KCNH5: variants seen among roughly 807,000 people sequenced by gnomAD.
KCNH5 encodes the protein potassium voltage-gated channel subfamily H member 5.
In KCNH5, 46 loss-of-function variants were observed where a neutral mutation model predicts 96.1. The ratio of observed to expected loss-of-function variants is 0.48; its 90% CI spans 0.38 to 0.61. KCNH5 has a LOEUF of 0.61. Ranked by LOEUF, KCNH5 falls within the 20% of genes least tolerant of loss-of-function variation. The pLI is 0.00. For synonymous variants in KCNH5, 439 were observed against 449.8 expected (o/e 0.98, Z 0.30); for missense variants, 907 against 1,225.8 (o/e 0.74, Z 3.88).
chr14:62,704,483 A>T lies in KCNH5; in HGVS notation c.*3025T>A, dbSNP rs1010440202. The stretch of plus-strand genomic sequence containing the variant: ...TTAGTGCAACAATATCCTGATACAG[A>T]CTGATAAAACCTGCCATTATGATAC... On this transcript the variant is annotated 3_prime_UTR_variant, in exon 11 of 11. Coordinates refer to ENST00000322893, the MANE Select transcript of KCNH5 (RefSeq NM_139318.5). The T allele has an allele frequency of 6.6e-6, 1 of 151,908 alleles. No individual in the cohort carries two copies. Among genetic ancestry groups the T allele is most frequent in the African/African-American group, 2.4e-5 (1 of 41,426 alleles). The allele number at this position is 151,908 out of a possible 1,614,324, so 9.4% of individuals were successfully genotyped here. A position where few individuals can be genotyped will look rare whatever the true frequency, so the allele number is the denominator to read the frequency against.
In KCNH5 at chr14:62,987,557, A is replaced by G. The variant is rs1463936044; in HGVS notation, c.434-370T>C. Among the ~76,000 whole-genome samples, 5 of 152,292 alleles carry G rather than the reference A, an allele frequency of 3.3e-5. No homozygotes were observed. In the East Asian group the frequency reaches 5.8e-4, roughly 18 times the overall value. ...AATTTCTTGCATCTCAGTATGGCCT[A>G]TGTCCCTGGTTCTCACCAATGGAAT... On this transcript the variant is annotated intron_variant, in intron 4 of 10. Coordinates refer to ENST00000322893, the MANE Select transcript of KCNH5 (RefSeq NM_139318.5).
intron 10 of KCNH5, among the ~76,000 whole-genome samples, chr14:62,775,502 T>C (rs1217835317): frequency 6.6e-6 from 1 of 152,158 alleles, no homozygotes; most frequent in African/African-American, 2.4e-5. Flanking sequence ...CACAAGGCAA[T>C]GTCCTACCAG....
chr14:62,873,931 G>T (rs992128524), intron 7 of KCNH5, among the ~76,000 whole-genome samples: 8 of 152,112 alleles, frequency 5.3e-5, no homozygotes, highest in African/African-American at 1.9e-4. Context: ...ATGATCCCAG[G>T]CTTGCAACAT....
In KCNH5 at chr14:62,934,136, C is replaced by CTTTCT. The variant is rs1555364413; in HGVS notation, c.1369+15996_1369+15997insAGAAA. Among the ~76,000 whole-genome samples, 642 of 141,454 alleles carry CTTTCT rather than the reference C, an allele frequency of 4.5e-3. 3 individuals carry two copies. The highest frequency in any genetic ancestry group is 5.9e-3 in the Non-Finnish European group (382 of 65,018). 92.8% of individuals were successfully genotyped at this position (141,454 alleles called of 152,430 possible). A position where few individuals can be genotyped will look rare whatever the true frequency, so the allele number is the denominator to read the frequency against. The stretch of plus-strand genomic sequence containing the variant: ...TGCAGATTTCTTTCTTTCTTTCTTT[C>CTTTCT]TTTTTTTTTTTTTGAGATAGAGTCT... On this transcript the variant is annotated intron_variant, in intron 7 of 10. Coordinates refer to ENST00000322893, the MANE Select transcript of KCNH5 (RefSeq NM_139318.5).
At chr14:62,968,791 A>G (rs76924521) in intron 6 of KCNH5, among the ~76,000 whole-genome samples, 3,022 of 152,254 alleles carry the variant, frequency 0.02, 101 homozygotes, top group African/African-American at 0.07. Context: ...AGTTAGAGAG[A>G]CAGAGTGTCT....
At chr14:62,796,591 A>G (rs1271889500) in intron 9 of KCNH5, among the ~76,000 whole-genome samples, 1 of 152,192 alleles carries the variant, frequency 6.6e-6, no homozygotes, top group African/African-American at 2.4e-5. Flanking sequence ...TGAGCAGGTA[A>G]GTCTAATGAC....
At chr14:62,865,126 C>T (rs1480570086) in intron 7 of KCNH5, among the ~76,000 whole-genome samples, 1 of 151,940 alleles carries the variant, frequency 6.6e-6, no homozygotes, top group Non-Finnish European at 1.5e-5. Context: ...TTCAATTTCA[C>T]CAAAAAAATA....
At chr14:62,987,019 G>C in intron 5 of KCNH5, 53 bp downstream of exon 5, 1 of 1,190,608 alleles carries the variant, frequency 8.4e-7, no homozygotes. Flanking sequence ...TTTTAGGGAA[G>C]AAAAATGTAC....
Position 63,003,620 on chromosome 14 carries a change from A to AT in KCNH5, c.305-2162dup, listed in dbSNP as rs1229857720. Among the ~76,000 whole-genome samples, 259 of 114,290 alleles carry AT rather than the reference A, an allele frequency of 2.3e-3. 9 individuals carry two copies. The highest frequency in any genetic ancestry group is 8.8e-3 in the African/African-American group (242 of 27,642). The allele number at this position is 114,290 out of a possible 152,430, so 75.0% of individuals were successfully genotyped here. On this transcript the variant is annotated intron_variant, in intron 3 of 10. Coordinates refer to ENST00000322893, the MANE Select transcript of KCNH5 (RefSeq NM_139318.5). ...TATATATTTATATTTATATATATAT[A>AT]TATATTTTTTTTTTTTTGAGACGGA...
At chr14:62,876,790 A>G (rs138799345) in intron 7 of KCNH5, among the ~76,000 whole-genome samples, 6 of 152,300 alleles carry the variant, frequency 3.9e-5, no homozygotes, top group Admixed American at 1.3e-4. Context: ...TGGTCAATTG[A>G]TTTTGCTGAA....
intron 8 of KCNH5, among the ~76,000 whole-genome samples, chr14:62,833,820 A>G (rs890271481): frequency 1.3e-5 from 2 of 152,100 alleles, no homozygotes; most frequent in South Asian, 4.2e-4. Context: ...TCTTTATCAT[A>G]TATAAAATCT....
chr14:62,970,554 T>A (rs1890388040), intron 6 of KCNH5, among the ~76,000 whole-genome samples: 2 of 152,118 alleles, frequency 1.3e-5, no homozygotes, highest in African/African-American at 4.8e-5. Context: ...AACTAATATC[T>A]CTCATGAACA....
chr14:62,849,749 G>C lies in KCNH5; in HGVS notation c.1473C>G (p.Phe491Leu), dbSNP rs1349540136. The change falls in exon 8 of 11, where the codon TTC becomes TTG. Residue 491 changes from phenylalanine to leucine, a missense_variant. Phe to Leu is a conservative substitution (Grantham distance 22, BLOSUM62 0). Around this residue, in one of 6 missense-constraint regions of KCNH5, gnomAD observed 95 missense variants for 111.8 expected, o/e 0.85. Transcript: ENST00000322893. ...YHEMLNNVRD[F>L]LKLYQVPKGL... ...CTTTTGGGACCTGATAGAGTTTTAGGAAGTCCCGTACATTATTCAGCATCT... is the reference window on the plus strand; with the variant it reads ...CTTTTGGGACCTGATAGAGTTTTAGCAAGTCCCGTACATTATTCAGCATCT... 6.2e-7 allele frequency: 1 copy of C among 1,613,790 alleles called. No homozygotes were observed.
intron 6 of KCNH5, among the ~76,000 whole-genome samples, chr14:62,955,546 A>C (rs1354572051): frequency 2.0e-5 from 3 of 152,240 alleles, no homozygotes; most frequent in African/African-American, 7.2e-5. Flanking sequence ...AGCCAGATTC[A>C]CATTCAGGCA....
intron 6 of KCNH5, among the ~76,000 whole-genome samples, chr14:62,958,950 A>AT (rs1890157346): frequency 6.6e-6 from 1 of 152,050 alleles, no homozygotes. Flanking sequence ...TTTCCCATAG[A>AT]TATTTAAACA....
At chr14:62,861,918 A>C (rs953603764) in intron 7 of KCNH5, among the ~76,000 whole-genome samples, 37 of 152,338 alleles carry the variant, frequency 2.4e-4, no homozygotes, top group African/African-American at 8.4e-4. Context: ...TATCAGCTAC[A>C]GAAGAAAAAA....
chr14:62,838,991 TAAAAAC>T (rs1887520632), intron 8 of KCNH5, among the ~76,000 whole-genome samples: 1 of 149,414 alleles, frequency 6.7e-6, no homozygotes, highest in African/African-American at 2.4e-5. Flanking sequence ...ACAAAAATAA[TAAAAAC>T]AAAAAAATGT....
At chr14:62,728,268 TC>T (rs1379329829) in intron 10 of KCNH5, among the ~76,000 whole-genome samples, 1 of 150,742 alleles carries the variant, frequency 6.6e-6, no homozygotes, top group African/African-American at 2.4e-5. Flanking sequence ...GTGTCTGTAA[TC>T]CCAGCTACTT....
chr14:63,027,728 T>C lies in KCNH5; in HGVS notation c.74-10774A>G, dbSNP rs1367418467. On this transcript the variant is annotated intron_variant, in intron 1 of 10. Transcript: ENST00000322893. ...GTATTGCAATATAGTAATTATTTAT[T>C]GGTTGAATGAATTGCTAGTATTCTA... Among the ~76,000 whole-genome samples the C allele has an allele frequency of 3.3e-5, 5 of 152,072 alleles. No homozygotes were observed. In the East Asian group the frequency reaches 7.7e-4, roughly 23 times the overall value.
Sources: allele counts gnomAD v4.1 joint callset (sites outside exome capture counted in the v4.1 genomes callset), GRCh38; gene constraint gnomAD v4.1.1; regional missense constraint gnomAD v4.1.1; transcripts MANE v1.5; gene names NCBI Gene and HGNC (gene_info 2026-07-23, HGNC 2026-07-21).